The following MAP3K4 variants were observed in gnomAD, a reference collection of about 807,000 sequenced individuals.
MAP3K4 encodes mitogen-activated protein kinase kinase kinase 4, also known as MAP three kinase 1.
In MAP3K4, 67 loss-of-function variants were observed where a neutral mutation model predicts 185.6. The observed-to-expected ratio is 0.36, with a 90% CI of 0.30 to 0.44. MAP3K4 has a LOEUF of 0.44. Ranked by LOEUF, MAP3K4 falls within the 20% of genes least tolerant of loss-of-function variation. The pLI is 1.00. For missense variants in MAP3K4, 1,551 were observed against 1,995.1 expected (o/e 0.78, Z 4.24); for synonymous variants, 702 against 710.4 (o/e 0.99, Z 0.19).
In MAP3K4 at chr6:161,049,677, C is replaced by G; in HGVS notation, c.1405C>G (p.Pro469Ala). 1 of 1,614,062 alleles carries G rather than the reference C, an allele frequency of 6.2e-7. No homozygotes were observed. The highest frequency in any genetic ancestry group is 1.3e-5 in the African/African-American group (1 of 75,026). Reference sequence around the variant, plus strand: ...GAGTGAAGAAGAACAAATCTCTGATCCTAGGGTACCGGAAATCAGACAGCC... The same window carrying G: ...GAGTGAAGAAGAACAAATCTCTGATGCTAGGGTACCGGAAATCAGACAGCC... Reference protein sequence around the residue: ...DESEEEQISDPRVPEIRQPID... With the variant: ...DESEEEQISDARVPEIRQPID... Residue 469 changes from proline (P) to alanine (A), a missense_variant, in exon 3 of 27, where the codon CCT becomes GCT. Physicochemically the swap from Pro to Ala is conservative, Grantham distance 27 (BLOSUM62 -1). Around this residue, in one of 16 missense-constraint regions of MAP3K4, gnomAD observed 126 missense variants for 112.8 expected, o/e 1.12. Transcript: ENST00000392142. This position sits in a 1 kb window ranked among gnomAD's most constrained non-coding sequence, Gnocchi z 8.4.
At chr6:161,041,702 A>G (rs1783461162) in intron 2 of MAP3K4, among the ~76,000 whole-genome samples, 1 of 152,076 alleles carries the variant, frequency 6.6e-6, no homozygotes, top group South Asian at 2.1e-4. Flanking sequence ...AGCCACTCCC[A>G]CTACAGCTTG....
chr6:160,996,428 C>T lies in MAP3K4; in HGVS notation c.152+4345C>T, dbSNP rs13206940. On this transcript the variant is annotated intron_variant, in intron 1 of 26. Transcript: ENST00000392142. The surrounding 1 kb of genome is among the most constrained non-coding windows in gnomAD (Gnocchi z 4.5). ...TCTTGTTCTGAGCTCTGCTGAAATA[C>T]GGGGATATAAAGGTCTTGCCTGCTC... is the stretch of plus-strand genomic sequence containing the variant. Among the ~76,000 whole-genome samples, 13,753 of 152,134 alleles carry T rather than the reference C, an allele frequency of 0.09. 790 individuals are homozygous for T. Among genetic ancestry groups the T allele is most frequent in the African/African-American group, 0.17 (6,977 of 41,474 alleles).
rs1249822992 is a variant in MAP3K4 at position 160,991,893 on chromosome 6, C to G, written c.-39C>G. 6.7e-7 allele frequency: 1 copy of G among 1,484,208 alleles called. No homozygotes were observed. The allele number at this position is 1,484,208 out of a possible 1,614,324, so 91.9% of individuals were successfully genotyped here. ...TCCGGTGCCCCGCGCCAGGCTGCAGCTTACTGCCCGCCGCGGCCATGCGGG... is the reference window on the plus strand; with the variant it reads ...TCCGGTGCCCCGCGCCAGGCTGCAGGTTACTGCCCGCCGCGGCCATGCGGG... On this transcript the variant is annotated 5_prime_UTR_variant, in exon 1 of 27. Transcript: ENST00000392142. The surrounding 1 kb of genome is among the most constrained non-coding windows in gnomAD (Gnocchi z 5.7).
rs1337536861 is a variant in MAP3K4 at position 160,992,175 on chromosome 6, A to C, written c.152+92A>C. On this transcript the variant is annotated intron_variant, in intron 1 of 26. Transcript: ENST00000392142. ...GGCCCGAGGGCCTCTGCTTCCCGCC[A>C]GGTGGGGAGGGAAGCATCCAGTCTC... 9 of 1,397,602 alleles carry C rather than the reference A, an allele frequency of 6.4e-6. No individual in the cohort carries two copies. The South Asian group carries it at 9.3e-5, about 14-fold the overall frequency. 86.6% of individuals were successfully genotyped at this position (1,397,602 alleles called of 1,614,324 possible).
Position 161,097,413 on chromosome 6 carries a change from C to T in MAP3K4, c.3524+237C>T, listed in dbSNP as rs74769886. Among the ~76,000 whole-genome samples, 3 of 152,178 alleles carry T rather than the reference C, an allele frequency of 2.0e-5. No individual in the cohort carries two copies. Among genetic ancestry groups the T allele is most frequent in the Non-Finnish European group, 2.9e-5 (2 of 68,042 alleles). On this transcript the variant is annotated intron_variant, in intron 16 of 26. Transcript: ENST00000392142. The surrounding 1 kb of genome is among the most constrained non-coding windows in gnomAD (Gnocchi z 4.9). ...CTTCGTTTCTCAGCTTATTTATAAC[C>T]TCAAGCTACTACATGCTTTCTGGCT...
chr6:161,041,893 A>G (rs1783471354), intron 2 of MAP3K4, among the ~76,000 whole-genome samples: 1 of 148,294 alleles, frequency 6.7e-6, no homozygotes, highest in Non-Finnish European at 1.5e-5. Flanking sequence ...GGGAGGGTAA[A>G]GGCCTTGAGT....
rs772796139 is a variant in MAP3K4 at position 161,093,863 on chromosome 6, G to A, written c.3427+12G>A. 15 of 1,592,580 alleles carry A rather than the reference G, an allele frequency of 9.4e-6. No homozygotes were observed. Among genetic ancestry groups the A allele is most frequent in the African/African-American group, 2.7e-5 (2 of 74,262 alleles). On this transcript the variant is annotated intron_variant, in intron 15 of 26. Coordinates refer to ENST00000392142, the MANE Select transcript of MAP3K4 (RefSeq NM_005922.4). This position sits in a 1 kb window ranked among gnomAD's most constrained non-coding sequence, Gnocchi z 5.2. ...AGGTTTGTACCTTGGTAAGACAGCC[G>A]TTAACAGCATTTCTTCTGGAACATA...
At chr6:161,028,575 G>A (rs949081039) in intron 1 of MAP3K4, among the ~76,000 whole-genome samples, 3 of 152,184 alleles carry the variant, frequency 2.0e-5, no homozygotes, top group Admixed American at 6.5e-5. Context: ...TCTAGACACC[G>A]GAGAAGCAGT....
rs1777290011 is a variant in MAP3K4 at position 161,091,233 on chromosome 6, C to G, written c.2974-146C>G. 5 of 548,942 alleles carry G rather than the reference C, an allele frequency of 9.1e-6. No homozygotes were observed. The highest frequency in any genetic ancestry group is 1.6e-5 in the Non-Finnish European group (5 of 319,254). The allele number at this position is 548,942 out of a possible 1,614,324, so 34.0% of individuals were successfully genotyped here. On this transcript the variant is annotated intron_variant, in intron 11 of 26. Transcript: ENST00000392142. This position sits in a 1 kb window ranked among gnomAD's most constrained non-coding sequence, Gnocchi z 5.5. ...GCCAAATAAAATGACATAATTTCTTCTATATTTGGTAATTCCTTTACCAAG... is the reference window on the plus strand; with the variant it reads ...GCCAAATAAAATGACATAATTTCTTGTATATTTGGTAATTCCTTTACCAAG...
At position 161,053,204 on chromosome 6, in the gene MAP3K4, G is replaced by C. The variant is rs892966663; in HGVS notation, c.1707+3225G>C. ...CCAGAGCAGGCACTTCTCATGGCTG[G>C]AGCACGGGCAGGGTGAAGGTGCTCC... is the stretch of plus-strand genomic sequence containing the variant. On this transcript the variant is annotated intron_variant, in intron 3 of 26. Coordinates refer to ENST00000392142, the MANE Select transcript of MAP3K4 (RefSeq NM_005922.4). The surrounding 1 kb of genome is among the most constrained non-coding windows in gnomAD (Gnocchi z 4.2). Among the ~76,000 whole-genome samples the C allele has an allele frequency of 1.4e-4, 21 of 152,266 alleles. No individual in the cohort carries two copies. The highest frequency in any genetic ancestry group is 5.1e-4 in the African/African-American group (21 of 41,550).
At chr6:161,058,358 G>A (rs2114784444) in intron 3 of MAP3K4, among the ~76,000 whole-genome samples, 1 of 152,286 alleles carries the variant, frequency 6.6e-6, no homozygotes, top group South Asian at 2.1e-4. Context: ...GGTTACCACA[G>A]TATCCATCAT....
chr6:161,089,346 A>T lies in MAP3K4; in HGVS notation c.2848A>T (p.Met950Leu), dbSNP rs1785908354. The T allele has an allele frequency of 1.2e-6, 2 of 1,614,086 alleles. No homozygotes were observed. The highest frequency in any genetic ancestry group is 1.7e-6 in the Non-Finnish European group (2 of 1,180,042). Residue 950 changes from methionine (M) to leucine (L), a missense_variant, in exon 11 of 27, where the codon ATG (methionine) becomes TTG (leucine). This residue lies in a region of MAP3K4 where 261 missense variants were observed against 306.5 expected (regional missense o/e 0.85). Coordinates refer to ENST00000392142, the MANE Select transcript of MAP3K4 (RefSeq NM_005922.4). ...GGTGGATAATCTTTTACTAGTTGTC[A>T]TGCAGTCTGCGCATCTCACAATTCA... is the stretch of plus-strand genomic sequence containing the variant. ...MQVDNLLLVV[M>L]QSAHLTIQRK...
intron 2 of MAP3K4, among the ~76,000 whole-genome samples, chr6:161,036,633 A>G (rs1206312895): frequency 6.6e-6 from 1 of 152,204 alleles, no homozygotes; most frequent in Non-Finnish European, 1.5e-5. Context: ...TATCATTTGT[A>G]GCAGCATCTT....
At chr6:161,055,955 C>T (rs1784216876) in intron 3 of MAP3K4, among the ~76,000 whole-genome samples, 1 of 152,160 alleles carries the variant, frequency 6.6e-6, no homozygotes, top group South Asian at 2.1e-4. Context: ...GGAATTTCTC[C>T]AGATGGAAGT....
intron 1 of MAP3K4, among the ~76,000 whole-genome samples, chr6:161,010,204 C>T (rs1781781998): frequency 6.6e-6 from 1 of 152,084 alleles, no homozygotes; most frequent in African/African-American, 2.4e-5. Flanking sequence ...CCATTTATCC[C>T]CGAAGTGCCT....
rs1283356274 is a variant in MAP3K4 at position 161,108,261 on chromosome 6, A to G, written c.4119+292A>G. ...TGATGAAGGCTTAGAGGAGAGGATTAACAGTAGTGTCTTATGGGGACACAT... is the reference window on the plus strand; with the variant it reads ...TGATGAAGGCTTAGAGGAGAGGATTGACAGTAGTGTCTTATGGGGACACAT... On this transcript the variant is annotated intron_variant, in intron 21 of 26. Coordinates refer to ENST00000392142, the MANE Select transcript of MAP3K4 (RefSeq NM_005922.4). This position sits in a 1 kb window ranked among gnomAD's most constrained non-coding sequence, Gnocchi z 5.7. Among the ~76,000 whole-genome samples, 2 of 152,204 alleles carry G rather than the reference A, an allele frequency of 1.3e-5. No homozygotes were observed. The highest frequency in any genetic ancestry group is 2.9e-5 in the Non-Finnish European group (2 of 68,034).
Position 161,073,556 on chromosome 6 carries a change from G to A in MAP3K4, c.2041G>A (p.Glu681Lys). 1 of 1,614,068 alleles carries A rather than the reference G, an allele frequency of 6.2e-7. No individual in the cohort carries two copies. The highest frequency in any genetic ancestry group is 8.5e-7 in the Non-Finnish European group (1 of 1,179,954). Reference sequence around the variant, plus strand: ...GCTGCAGGAGGTTCTGGAGGACTTGGAGAAGCCCGACTGCAACATTGACGC... The same window carrying A: ...GCTGCAGGAGGTTCTGGAGGACTTGAAGAAGCCCGACTGCAACATTGACGC... ...FMLQEVLEDL[E>K]KPDCNIDAFE... Residue 681 changes from glutamate to lysine, a missense_variant, in exon 5 of 27, where the codon GAG becomes AAG. By Grantham distance (56) the Glu-to-Lys change is moderately conservative. Around this residue, in one of 16 missense-constraint regions of MAP3K4, gnomAD observed 130 missense variants for 171.3 expected, o/e 0.76. Transcript: ENST00000392142. The surrounding 1 kb of genome is among the most constrained non-coding windows in gnomAD (Gnocchi z 4.2).
Position 161,097,210 on chromosome 6 carries a change from G to A in MAP3K4, c.3524+34G>A, listed in dbSNP as rs1777612218. On this transcript the variant is annotated intron_variant, in intron 16 of 26. Coordinates refer to ENST00000392142, the MANE Select transcript of MAP3K4 (RefSeq NM_005922.4). This position sits in a 1 kb window ranked among gnomAD's most constrained non-coding sequence, Gnocchi z 4.9. Reference sequence around the variant, plus strand: ...TGCTTATCTAGTCATTTGCTTTACAGAGTGCCCTCCGATATGCATGCTCAT... The same window carrying A: ...TGCTTATCTAGTCATTTGCTTTACAAAGTGCCCTCCGATATGCATGCTCAT... 1 of 1,579,986 alleles carries A rather than the reference G, an allele frequency of 6.3e-7. No homozygotes were observed.
At chr6:161,111,502 C>T (rs1044842750) in intron 23 of MAP3K4, among the ~76,000 whole-genome samples, 2 of 152,224 alleles carry the variant, frequency 1.3e-5, no homozygotes, top group African/African-American at 2.4e-5. Context: ...ATCTCTCATT[C>T]TCCAGACTGC....
Sources: allele counts gnomAD v4.1 joint callset (sites outside exome capture counted in the v4.1 genomes callset), GRCh38; gene constraint gnomAD v4.1.1; regional missense constraint gnomAD v4.1.1; non-coding constraint Gnocchi (gnomAD v3.1); transcripts MANE v1.5; gene names NCBI Gene and HGNC (gene_info 2026-07-23, HGNC 2026-07-21).